Variants in CAMK2B observed in about 807,000 individuals in gnomAD.
CAMK2B encodes the protein calcium/calmodulin-dependent protein kinase type II subunit beta.
Under a neutral mutation model 93.7 loss-of-function variants are expected in CAMK2B, and 27 were observed. That is an observed-to-expected ratio of 0.29 (90% confidence interval 0.21 to 0.40). The LOEUF (loss-of-function observed/expected upper bound fraction) is 0.40, where lower values mean the gene tolerates loss of function less well. Among genes scored for constraint, CAMK2B ranks in the 10% least tolerant of loss-of-function variants. The pLI, the probability that CAMK2B is intolerant of heterozygous loss-of-function variation, is 1.00. For synonymous variants in CAMK2B, 374 were observed against 358.8 expected (o/e 1.04, Z -0.48); for missense variants, 568 against 895.8 (o/e 0.63, Z 4.67).
At chr7:44,325,950 C>T (rs116913033), upstream of CAMK2B, 17,552 of 152,000 alleles carry the variant, frequency 0.12, 1,409 homozygotes, top group Non-Finnish European at 0.17. Flanking sequence ...GCACGCAGGC[C>T]ACTTGCTGCT....
At chr7:44,278,286 C>T (rs1263889804) in intron 2 of CAMK2B, among the ~76,000 whole-genome samples, 3 of 152,184 alleles carry the variant, frequency 2.0e-5, no homozygotes, top group Admixed American at 2.0e-4. Context: ...GGAAGGGAGG[C>T]AGCGATGTGG....
At chr7:44,320,187 T>C (rs73317799) in intron 1 of CAMK2B, among the ~76,000 whole-genome samples, 2,855 of 152,228 alleles carry the variant, frequency 0.019, 91 homozygotes, top group African/African-American at 0.065. Context: ...AGAGTGTTGG[T>C]TGTCTTTGAT....
intron 1 of CAMK2B, among the ~76,000 whole-genome samples, chr7:44,324,113 GA>G: frequency 6.6e-6 from 1 of 152,304 alleles, no homozygotes; most frequent in East Asian, 1.9e-4. Flanking sequence ...GAGAAGTGGG[GA>G]ATGAACACAC....
chr7:44,281,198 G>A (rs1392886520), intron 2 of CAMK2B, among the ~76,000 whole-genome samples: 1 of 152,226 alleles, frequency 6.6e-6, no homozygotes, highest in Non-Finnish European at 1.5e-5. Context: ...AGCTGGGCCT[G>A]GCATCTCTTC....
chr7:44,261,603 G>C (rs890413655), intron 3 of CAMK2B, among the ~76,000 whole-genome samples: 1 of 152,164 alleles, frequency 6.6e-6, no homozygotes, highest in South Asian at 2.1e-4. Context: ...TGGAGCACTG[G>C]GGGTCTGTGT....
chr7:44,314,665 C>T (rs142160733), intron 1 of CAMK2B, among the ~76,000 whole-genome samples: 6 of 152,300 alleles, frequency 3.9e-5, no homozygotes, highest in African/African-American at 9.6e-5. Context: ...TGAAGACCCA[C>T]CAAAGTATTT....
At chr7:44,274,747 G>A (rs1584481999) in intron 2 of CAMK2B, among the ~76,000 whole-genome samples, 1 of 152,242 alleles carries the variant, frequency 6.6e-6, no homozygotes, top group Non-Finnish European at 1.5e-5. Flanking sequence ...AAGGGGCGGT[G>A]AGCAGGAAGG....
intron 5 of CAMK2B, among the ~76,000 whole-genome samples, chr7:44,252,188 C>T (rs999658891): frequency 1.3e-5 from 2 of 152,072 alleles, no homozygotes; most frequent in Non-Finnish European, 2.9e-5. Flanking sequence ...GAGGAAGCCA[C>T]ATGTGACCCT....
At chr7:44,266,210 G>A (rs964859118) in intron 2 of CAMK2B, among the ~76,000 whole-genome samples, 2 of 152,100 alleles carry the variant, frequency 1.3e-5, no homozygotes, top group African/African-American at 2.4e-5. Context: ...CTCTGGATAG[G>A]ACTGAGAAGC....
At chr7:44,294,390 T>C (rs1787712680) in intron 1 of CAMK2B, among the ~76,000 whole-genome samples, 1 of 152,102 alleles carries the variant, frequency 6.6e-6, no homozygotes, top group Non-Finnish European at 1.5e-5. Flanking sequence ...CAGGCACTGA[T>C]TGCTCCCTCT....
chr7:44,311,628 G>A lies in CAMK2B; in HGVS notation c.65+13729C>T, dbSNP rs1215323296. On this transcript the variant is annotated intron_variant, in intron 1 of 23. Transcript: ENST00000395749. The surrounding 1 kb of genome is among the most constrained non-coding windows in gnomAD (Gnocchi z 4.2). ...TCCCAGCCCCAGCCCCGGGTACCCA[G>A]AGGGGCTGTCCTGCCCCTGCGAGCA... is the stretch of plus-strand genomic sequence containing the variant. Among the ~76,000 whole-genome samples the A allele has an allele frequency of 6.6e-6, 1 of 152,204 alleles. No individual in the cohort carries two copies. The highest frequency in any genetic ancestry group is 1.5e-5 in the Non-Finnish European group (1 of 68,020).
intron 4 of CAMK2B, among the ~76,000 whole-genome samples, chr7:44,255,529 T>C (rs937602180): frequency 4.6e-5 from 7 of 152,158 alleles, no homozygotes; most frequent in African/African-American, 1.7e-4. Context: ...TGTGACCCTA[T>C]GTGTGGGGCA....
chr7:44,232,185 G>A (rs547178543), intron 16 of CAMK2B, among the ~76,000 whole-genome samples: 2 of 95,526 alleles, frequency 2.1e-5, no homozygotes, highest in East Asian at 3.1e-4. Context: ...GAAGTGGGGG[G>A]TCCCCACAGA....
Position 44,229,440 on chromosome 7 carries a change from C to G in CAMK2B, c.1287G>C (p.Glu429Asp). ...CCGGAGATGGGCAGGGCAGGGGCCC[C>G]TCGGCTTCTGGGGCTCCCGAGCCCC... ...VRRGSGAPEA[E>D]GPLPCPSPAP... is the part of the protein sequence containing the mutation. Residue 429 changes from glutamate to aspartate, a missense_variant, in exon 18 of 24, where the codon GAG (glutamate) becomes GAC (aspartate). Glu to Asp is a conservative substitution (Grantham distance 45). Around this residue, in one of 4 missense-constraint regions of CAMK2B, gnomAD observed 308 missense variants for 292.1 expected, o/e 1.05. Coordinates refer to ENST00000395749, the MANE Select transcript of CAMK2B (RefSeq NM_001220.5). The G allele has an allele frequency of 6.7e-7, 1 of 1,495,448 alleles. No homozygotes were observed. The highest frequency in any genetic ancestry group is 8.9e-7 in the Non-Finnish European group (1 of 1,124,068). The allele number at this position is 1,495,448 out of a possible 1,614,324, so 92.6% of individuals were successfully genotyped here.
Position 44,220,662 on chromosome 7 carries a change from G to T in CAMK2B, c.1722C>A (p.Gly574=), listed in dbSNP as rs2096389084. 1.9e-6 allele frequency: 3 copies of T among 1,613,660 alleles called. No homozygotes were observed. The South Asian group carries it at 3.3e-5, about 18-fold the overall frequency. The change falls in exon 22 of 24, where the codon GGC becomes GGA. Residue 574 remains glycine (G), a synonymous_variant. Transcript: ENST00000395749. ...GGAAGTCCATCCCTTCAACCAGGTT[G>T]CCCAGTGCTTCAGGCTCAAACGAGG... ...GLTSFEPEAL[G]NLVEGMDFHR... is the part of the protein sequence containing the mutation.
chr7:44,227,878 CAGAG>C (rs1303577056), intron 19 of CAMK2B, among the ~76,000 whole-genome samples: 1 of 107,216 alleles, frequency 9.3e-6, no homozygotes, highest in Admixed American at 1.1e-4. Context: ...ATTTGGGGGA[CAGAG>C]GGGGATGTAG....
intron 3 of CAMK2B, among the ~76,000 whole-genome samples, chr7:44,262,371 G>T (rs1236679275): frequency 6.6e-6 from 1 of 152,236 alleles, no homozygotes; most frequent in Non-Finnish European, 1.5e-5. Flanking sequence ...CTGGGCTCCA[G>T]GCTCCAGATA....
chr7:44,219,327 G>T lies in CAMK2B; in HGVS notation c.*198C>A. ...TCATCTGATGTCAATTTTTTTTGTG[G>T]TTGTCGTCGTCATCTTGTTTTTTTT... On this transcript the variant is annotated 3_prime_UTR_variant, in exon 24 of 24. Coordinates refer to ENST00000395749, the MANE Select transcript of CAMK2B (RefSeq NM_001220.5). 1 of 114,838 alleles carries T rather than the reference G, an allele frequency of 8.7e-6. No individual in the cohort carries two copies. The highest frequency in any genetic ancestry group is 1.9e-5 in the Non-Finnish European group (1 of 52,716). 7.1% of individuals were successfully genotyped at this position (114,838 alleles called of 1,614,324 possible). A position where few individuals can be genotyped will look rare whatever the true frequency, so the allele number is the denominator to read the frequency against.
intron 1 of CAMK2B, among the ~76,000 whole-genome samples, chr7:44,313,275 A>C (rs889114361): frequency 6.6e-6 from 1 of 152,068 alleles, no homozygotes; most frequent in Non-Finnish European, 1.5e-5. Flanking sequence ...GAAGTCCCAC[A>C]CTGCAATGGA....
Sources: gnomAD v4.1 joint callset for allele counts (sites outside exome capture counted in the v4.1 genomes callset) on GRCh38, gnomAD v4.1.1 for gene constraint, gnomAD v4.1.1 regional missense constraint, Gnocchi (gnomAD v3.1) non-coding constraint, MANE v1.5 for transcripts, NCBI Gene and HGNC (gene_info 2026-07-23, HGNC 2026-07-21) for gene names.